TDRD7: variants seen among roughly 807,000 people sequenced by gnomAD.
TDRD7 encodes tudor domain containing 7.
Under a neutral mutation model 109.8 loss-of-function variants are expected in TDRD7, and 47 were observed. That is an observed-to-expected ratio of 0.43 (90% CI 0.34 to 0.55). TDRD7 has a LOEUF of 0.55. TDRD7 is among the 20% of genes least tolerant of loss of function. The pLI, the probability that TDRD7 is intolerant of heterozygous loss-of-function variation, is 0.03. For synonymous variants in TDRD7, 424 were observed against 457.3 expected (o/e 0.93, Z 0.93); for missense variants, 1,164 against 1,319.2 (o/e 0.88, Z 1.82).
At chr9:97,488,830 A>C (rs1564217409) in intron 16 of TDRD7, among the ~76,000 whole-genome samples, 1 of 152,214 alleles carries the variant, frequency 6.6e-6, no homozygotes, top group Non-Finnish European at 1.5e-5. Flanking sequence ...CTTTGGCTGC[A>C]TCCCACAAGT....
chr9:97,454,198 C>T (rs548940393), intron 6 of TDRD7, among the ~76,000 whole-genome samples: 12 of 152,268 alleles, frequency 7.9e-5, no homozygotes, highest in African/African-American at 2.4e-4. Flanking sequence ...AAAACAGTCT[C>T]GGCTGGGTGT....
In TDRD7 at chr9:97,464,993, G is replaced by T. The variant is rs1347845475; in HGVS notation, c.1594G>T (p.Ala532Ser). The change falls in exon 8 of 17, where the codon GCA (alanine) becomes TCA (serine). Residue 532 changes from alanine to serine, a missense_variant. Transcript: ENST00000355295. ...TGCCGAGGAGGACGCCTGGTTACGG[G>T]CACAGGTCATCTCAACAGAAGAGAA... is the stretch of plus-strand genomic sequence containing the variant. ...VNAEEDAWLR[A>S]QVISTEENKI... is the part of the protein sequence containing the mutation. 1.2e-6 allele frequency: 2 copies of T among 1,613,904 alleles called. No individual in the cohort carries two copies. Among genetic ancestry groups the T allele is most frequent in the Non-Finnish European group, 8.5e-7 (1 of 1,179,990 alleles).
intron 4 of TDRD7, among the ~76,000 whole-genome samples, chr9:97,436,771 G>A (rs1430998196): frequency 1.3e-5 from 2 of 151,726 alleles, no homozygotes; most frequent in African/African-American, 4.8e-5. Flanking sequence ...CTTTTTTATT[G>A]TTAGCCAGAT....
chr9:97,420,551 T>C (rs1034082584), intron 1 of TDRD7, among the ~76,000 whole-genome samples: 4 of 152,226 alleles, frequency 2.6e-5, no homozygotes, highest in African/African-American at 9.6e-5. Flanking sequence ...TAGCCTTTTG[T>C]GTCCAGCTTT....
At chr9:97,482,553 A>G (rs963971789) in intron 14 of TDRD7, among the ~76,000 whole-genome samples, 1 of 152,160 alleles carries the variant, frequency 6.6e-6, no homozygotes, top group Non-Finnish European at 1.5e-5. Context: ...TTTAATCATG[A>G]TATATAGAAT....
At chr9:97,489,918 C>T (rs1260133869) in intron 16 of TDRD7, among the ~76,000 whole-genome samples, 2 of 152,088 alleles carry the variant, frequency 1.3e-5, no homozygotes, top group African/African-American at 4.8e-5. Context: ...GTTTCATAGA[C>T]AGTGCAAGTA....
At chr9:97,482,754 A>C in intron 14 of TDRD7, 95 bp from the exon 15 acceptor site, 1 of 1,382,348 alleles carries the variant, frequency 7.2e-7, no homozygotes, top group Non-Finnish European at 1.0e-6. Flanking sequence ...GGTTTTGGCA[A>C]AATACTGTGT....
chr9:97,471,080 A>G (rs62557546), intron 9 of TDRD7, among the ~76,000 whole-genome samples: 8,101 of 152,154 alleles, frequency 0.053, 360 homozygotes, highest in African/African-American at 0.12. Flanking sequence ...ACACACCTTC[A>G]TGTGCCCAAG....
chr9:97,489,081 G>C (rs139881200), intron 16 of TDRD7, among the ~76,000 whole-genome samples: 4 of 152,188 alleles, frequency 2.6e-5, no homozygotes, highest in Non-Finnish European at 5.9e-5. Context: ...CTTGATGAAT[G>C]TTCCATGTGA....
At chr9:97,453,619 A>G (rs1322159924) in intron 6 of TDRD7, among the ~76,000 whole-genome samples, 4 of 152,104 alleles carry the variant, frequency 2.6e-5, no homozygotes, top group African/African-American at 7.2e-5. Context: ...TGAGTGAGCA[A>G]CCCATCAGTG....
At chr9:97,422,149 T>G (rs1827910366) in intron 1 of TDRD7, among the ~76,000 whole-genome samples, 1 of 152,120 alleles carries the variant, frequency 6.6e-6, no homozygotes, top group South Asian at 2.1e-4. Context: ...TCCCAGCACT[T>G]TGGGAGGCTG....
At chr9:97,455,044 A>G (rs1828580096) in intron 6 of TDRD7, among the ~76,000 whole-genome samples, 1 of 152,226 alleles carries the variant, frequency 6.6e-6, no homozygotes, top group African/African-American at 2.4e-5. Flanking sequence ...AATAGTATAA[A>G]CACCTCTACA....
chr9:97,493,673 C>T (rs1829342548), intron 16 of TDRD7, among the ~76,000 whole-genome samples: 1 of 152,138 alleles, frequency 6.6e-6, no homozygotes, highest in Admixed American at 6.5e-5. Flanking sequence ...CCTGGGAGCA[C>T]TACAGGAGAC....
intron 4 of TDRD7, among the ~76,000 whole-genome samples, chr9:97,436,267 G>A (rs1052779545): frequency 6.6e-6 from 1 of 152,028 alleles, no homozygotes; most frequent in Non-Finnish European, 1.5e-5. Flanking sequence ...CCAATATTGG[G>A]CATCTGTTTT....
At chr9:97,484,469 A>AAC (rs66794888) in intron 15 of TDRD7, among the ~76,000 whole-genome samples, 1,997 of 147,236 alleles carry the variant, frequency 0.014, 26 homozygotes, top group South Asian at 0.035. Flanking sequence ...ACCCCTCCCC[A>AAC]ACACACACAC....
chr9:97,436,237 A>T (rs1448878758), intron 4 of TDRD7, among the ~76,000 whole-genome samples: 1 of 152,132 alleles, frequency 6.6e-6, no homozygotes, highest in Admixed American at 6.6e-5. Context: ...TATGAGAGTG[A>T]TTATTTTCTT....
chr9:97,468,278 G>T (rs976024735), intron 8 of TDRD7, among the ~76,000 whole-genome samples: 1 of 152,190 alleles, frequency 6.6e-6, no homozygotes, highest in African/African-American at 2.4e-5. Context: ...TTACATGGAG[G>T]CATAAGGGGA....
At chr9:97,482,415 G>A (rs1055941045) in intron 14 of TDRD7, among the ~76,000 whole-genome samples, 11 of 152,064 alleles carry the variant, frequency 7.2e-5, no homozygotes, top group African/African-American at 2.7e-4. Flanking sequence ...TAAGCAGAAC[G>A]CTCATAAATC....
At chr9:97,445,268 C>T (rs954775265) in intron 6 of TDRD7, among the ~76,000 whole-genome samples, 11 of 132,908 alleles carry the variant, frequency 8.3e-5, no homozygotes, top group Non-Finnish European at 3.2e-5. Flanking sequence ...TAATAGTGCT[C>T]TCGTTTAACT....
Sources: gnomAD v4.1 joint callset for allele counts (sites outside exome capture counted in the v4.1 genomes callset) on GRCh38, gnomAD v4.1.1 for gene constraint, MANE v1.5 for transcripts, NCBI Gene and HGNC (gene_info 2026-07-23, HGNC 2026-07-21) for gene names.